The following CAMK2A variants were observed in gnomAD, a reference collection of about 807,000 sequenced individuals.
The protein encoded by CAMK2A is calcium/calmodulin-dependent protein kinase type II subunit alpha.
Under a neutral mutation model 79.2 loss-of-function variants are expected in CAMK2A, and 7 were observed. That is an observed-to-expected ratio of 0.09 (90% CI 0.05 to 0.17). The LOEUF (loss-of-function observed/expected upper bound fraction) is 0.17. Ranked by LOEUF, CAMK2A falls within the 10% of genes least tolerant of loss-of-function variation. The pLI, the probability that CAMK2A is intolerant of heterozygous loss-of-function variation, is 1.00. For missense variants in CAMK2A, 214 were observed against 646.4 expected (o/e 0.33, Z 7.25); for synonymous variants, 242 against 251.7 (o/e 0.96, Z 0.36).
intron 12 of CAMK2A, among the ~76,000 whole-genome samples, chr5:150,245,971 G>A (rs956384114): frequency 2.6e-5 from 4 of 152,232 alleles, no homozygotes; most frequent in Non-Finnish European, 4.4e-5. Context: ...ACAGGCATCC[G>A]GCTGCTTCAG....
Position 150,289,675 on chromosome 5 carries a change from AG to A in CAMK2A, c.-51del. ...GCTTGGGACTGGGGGACCAGGACTG[AG>A]GCGCTGCTGCTCTGCTCCCGAACCT... On this transcript the variant is annotated 5_prime_UTR_variant, in exon 1 of 19. Transcript: ENST00000671881. 6.8e-7 allele frequency: 1 copy of A among 1,480,782 alleles called. No homozygotes were observed. Among genetic ancestry groups the A allele is most frequent in the African/African-American group, 1.4e-5 (1 of 72,394 alleles). The allele number at this position is 1,480,782 out of a possible 1,614,324, so 91.7% of individuals were successfully genotyped here.
chr5:150,240,054 G>A (rs1755271278), intron 13 of CAMK2A, among the ~76,000 whole-genome samples: 2 of 152,186 alleles, frequency 1.3e-5, no homozygotes. Context: ...GATGGCAAAA[G>A]CCAATCCTGG....
intron 6 of CAMK2A, among the ~76,000 whole-genome samples, chr5:150,254,379 C>T (rs138952491): frequency 3.3e-5 from 5 of 152,224 alleles, no homozygotes; most frequent in African/African-American, 1.2e-4. Flanking sequence ...GTATTTGTCA[C>T]GTATATAAAG....
intron 7 of CAMK2A, among the ~76,000 whole-genome samples, chr5:150,252,770 CCA>C (rs1236695804): frequency 2.0e-5 from 3 of 152,190 alleles, no homozygotes; most frequent in African/African-American, 7.2e-5. Context: ...AATTCTGACA[CCA>C]CTCCTGAGGG....
intron 1 of CAMK2A, among the ~76,000 whole-genome samples, chr5:150,274,282 C>T (rs1051699626): frequency 6.6e-6 from 1 of 152,184 alleles, no homozygotes; most frequent in Non-Finnish European, 1.5e-5. Context: ...TTCCAGCTCA[C>T]AGGGGAAAAA....
In CAMK2A at chr5:150,223,700, C is replaced by A. The variant is rs978434260; in HGVS notation, c.1238-483G>T. Among the ~76,000 whole-genome samples the A allele has an allele frequency of 6.6e-6, 1 of 152,136 alleles. No homozygotes were observed. The highest frequency in any genetic ancestry group is 1.5e-5 in the Non-Finnish European group (1 of 68,038). On this transcript the variant is annotated intron_variant, in intron 17 of 18. Transcript: ENST00000671881. This position sits in a 1 kb window ranked among gnomAD's most constrained non-coding sequence, Gnocchi z 4.1. ...GTGGCGAATAGAATGTCTTGTCCCA[C>A]CTAAAGAGGGCATCCTGCACACAGC...
At chr5:150,245,336 A>AGGCCTCCTC (rs1755518960) in intron 12 of CAMK2A, 135 bp from the exon 13 acceptor site, 1 of 656,280 alleles carries the variant, frequency 1.5e-6, no homozygotes, top group Non-Finnish European at 2.6e-6. Context: ...ATCCTGGGGG[A>AGGCCTCCTC]GGCCTCCTCC....
chr5:150,261,554 G>T (rs910096838), intron 3 of CAMK2A, among the ~76,000 whole-genome samples: 2 of 152,148 alleles, frequency 1.3e-5, no homozygotes, highest in African/African-American at 4.8e-5. Context: ...TATTTATGTG[G>T]CTTGATTCAT....
At chr5:150,266,797 C>T (rs1445165657) in intron 2 of CAMK2A, among the ~76,000 whole-genome samples, 6 of 152,176 alleles carry the variant, frequency 3.9e-5, no homozygotes, top group African/African-American at 1.2e-4. Context: ...CTCATGCCAA[C>T]ACTCAGACAC....
chr5:150,231,332 A>G lies in CAMK2A; in HGVS notation c.1115T>C (p.Ile372Thr), dbSNP rs1754829004. 2 of 1,593,242 alleles carry G rather than the reference A, an allele frequency of 1.3e-6. No homozygotes were observed. Among genetic ancestry groups the G allele is most frequent in the Admixed American group, 1.8e-5 (1 of 56,432 alleles). The change falls in exon 16 of 19, where the codon ATA becomes ACA. Residue 372 changes from isoleucine (I) to threonine (T), a missense_variant. By Grantham distance (89) the Ile-to-Thr change is moderately conservative. This residue lies in a region of CAMK2A where 123 missense variants were observed against 242.4 expected (regional missense o/e 0.51). Coordinates refer to ENST00000671881, the MANE Select transcript of CAMK2A (RefSeq NM_015981.4). ...IKVTEQLIEA[I>T]SNGDFESYTK... is the part of the protein sequence containing the mutation. ...GTAGGACTCAAAATCTCCATTGCTT[A>G]TGGCTTCAATCAGCTGCTCTGTCAC...
intron 8 of CAMK2A, 35 bp downstream of exon 8, chr5:150,251,947 G>T: frequency 1.3e-6 from 2 of 1,595,578 alleles, no homozygotes; most frequent in South Asian, 1.1e-5. Context: ...CCGGGGTGCA[G>T]CCAGGGGCAC....
At chr5:150,234,397 C>T (rs187417454) in intron 15 of CAMK2A, among the ~76,000 whole-genome samples, 8 of 152,174 alleles carry the variant, frequency 5.3e-5, no homozygotes, top group Admixed American at 1.3e-4. Flanking sequence ...ATAGCTGTTC[C>T]CTTGGACAAG....
At position 150,256,449 on chromosome 5, in the gene CAMK2A, C is replaced by T; in HGVS notation, c.411+124G>A. 1.5e-6 allele frequency: 1 copy of T among 670,050 alleles called. No individual in the cohort carries two copies. The highest frequency in any genetic ancestry group is 2.6e-6 in the Non-Finnish European group (1 of 381,740). The allele number at this position is 670,050 out of a possible 1,614,324, so 41.5% of individuals were successfully genotyped here. Reference sequence around the variant, plus strand: ...AGTGGGGAAAATAATCTCACCCACCCCACCTTCCAGCCTAACACAGAGAAA... The same window carrying T: ...AGTGGGGAAAATAATCTCACCCACCTCACCTTCCAGCCTAACACAGAGAAA... On this transcript the variant is annotated intron_variant, in intron 6 of 18. Transcript: ENST00000671881. This position sits in a 1 kb window ranked among gnomAD's most constrained non-coding sequence, Gnocchi z 4.6.
At position 150,220,742 on chromosome 5, in the gene CAMK2A, A is replaced by G. The variant is rs1412090455; in HGVS notation, c.*1968T>C. The G allele has an allele frequency of 6.6e-6, 1 of 152,222 alleles. No individual in the cohort carries two copies. Among genetic ancestry groups the G allele is most frequent in the East Asian group, 1.9e-4 (1 of 5,326 alleles). The allele number at this position is 152,222 out of a possible 1,614,324, so 9.4% of individuals were successfully genotyped here. On this transcript the variant is annotated 3_prime_UTR_variant, in exon 19 of 19. Coordinates refer to ENST00000671881, the MANE Select transcript of CAMK2A (RefSeq NM_015981.4). ...GGGCCTGGGCAGCAAGGTCTCTGCCAAGGACAGAGGCCAGTGATGGACCAG... is the reference window on the plus strand; with the variant it reads ...GGGCCTGGGCAGCAAGGTCTCTGCCGAGGACAGAGGCCAGTGATGGACCAG...
intron 2 of CAMK2A, among the ~76,000 whole-genome samples, chr5:150,270,503 C>T (rs1339625836): frequency 3.3e-5 from 5 of 152,168 alleles, no homozygotes; most frequent in East Asian, 3.9e-4. Flanking sequence ...AGGGTGGGCA[C>T]AGCCCCTGCT....
chr5:150,245,135 C>T (rs771198139), intron 13 of CAMK2A, 26 bp downstream of exon 13: 1 of 1,612,020 alleles, frequency 6.2e-7, no homozygotes, highest in East Asian at 2.2e-5. Flanking sequence ...AGAGCCAAGC[C>T]CTGCCAGGCT....
At chr5:150,246,197 C>T (rs1755561961) in intron 12 of CAMK2A, among the ~76,000 whole-genome samples, 1 of 152,202 alleles carries the variant, frequency 6.6e-6, no homozygotes, top group Admixed American at 6.5e-5. Context: ...CAGTCACCCC[C>T]ACATTTCCAC....
chr5:150,253,302 G>T, intron 7 of CAMK2A, 142 bp downstream of exon 7: 2 of 669,440 alleles, frequency 3.0e-6, no homozygotes, highest in Non-Finnish European at 2.7e-6. Context: ...GGCTGGGTGG[G>T]ACAGGGCCTC....
chr5:150,231,172 G>A, intron 16 of CAMK2A, 133 bp downstream of exon 16: 1 of 473,624 alleles, frequency 2.1e-6, no homozygotes, highest in East Asian at 3.2e-5. Flanking sequence ...ATAGAAATAT[G>A]AGTTCAGCCC....
Sources: allele counts gnomAD v4.1 joint callset (sites outside exome capture counted in the v4.1 genomes callset), GRCh38; gene constraint gnomAD v4.1.1; regional missense constraint gnomAD v4.1.1; non-coding constraint Gnocchi (gnomAD v3.1); transcripts MANE v1.5; gene names NCBI Gene and HGNC (gene_info 2026-07-23, HGNC 2026-07-21).